ZNF254: variants seen among roughly 807,000 people sequenced by gnomAD.
The protein encoded by ZNF254 is CTD-2017D11.1.
Under a neutral mutation model 12.4 loss-of-function variants are expected in ZNF254, and 10 were observed. That is an observed-to-expected ratio of 0.80 (90% CI 0.50 to 1.36). ZNF254 has a LOEUF of 1.36. Among genes scored for constraint, ZNF254 ranks in the 40% most tolerant of loss-of-function variants. ZNF254 has a pLI of 0.00. For missense variants in ZNF254, 996 were observed against 763.9 expected (o/e 1.30, Z -3.58); for synonymous variants, 305 against 253.4 (o/e 1.20, Z -1.93).
At position 24,099,382 on chromosome 19, in the gene ZNF254, G is replaced by A. The variant is rs117670550; in HGVS notation, c.31-6558G>A. 1.1e-3 allele frequency among the ~76,000 whole-genome samples: 167 copies of A among 152,172 alleles called. 3 individuals are homozygous for A. The East Asian group carries it at 0.031, about 28-fold the overall frequency. On this transcript the variant is annotated intron_variant, in intron 1 of 3. Transcript: ENST00000357002. ...ACCTAAGATGTGAGCTGCCAGCTGT[G>A]AGCCCTGCGCTATGGGCTGTATGTC...
At chr19:24,101,682 C>G (rs752621350) in intron 1 of ZNF254, among the ~76,000 whole-genome samples, 1 of 152,202 alleles carries the variant, frequency 6.6e-6, no homozygotes, top group African/African-American at 2.4e-5. Context: ...CAGGGTACTT[C>G]CATTTTCTAT....
At chr19:24,118,871 G>T (rs962285252) in intron 3 of ZNF254, among the ~76,000 whole-genome samples, 4 of 152,030 alleles carry the variant, frequency 2.6e-5, no homozygotes, top group Non-Finnish European at 5.9e-5. Flanking sequence ...TAGCACTTTG[G>T]GGGGCTGAGT....
chr19:24,111,621 CCTGA>C (rs1973687090), intron 3 of ZNF254, among the ~76,000 whole-genome samples: 1 of 152,192 alleles, frequency 6.6e-6, no homozygotes, highest in African/African-American at 2.4e-5. Flanking sequence ...CCTGTTGTTT[CCTGA>C]CTTTTTAATG....
At chr19:24,033,606 TG>T in exon 1 of ZNF254, 1 of 419,594 alleles carries the variant, frequency 2.4e-6, no homozygotes, top group South Asian at 1.8e-5. Flanking sequence ...CAGGACATCC[TG>T]GAAGCTGGGA....
intron 2 of ZNF254, among the ~76,000 whole-genome samples, chr19:24,056,358 T>C (rs1970854656): frequency 6.6e-6 from 1 of 152,206 alleles, no homozygotes; most frequent in South Asian, 2.1e-4. Context: ...ATGACTCTCT[T>C]CTCCTGCCTG....
chr19:24,082,274 A>G (rs1971870801), upstream of ZNF254, among the ~76,000 whole-genome samples: 1 of 151,630 alleles, frequency 6.6e-6, no homozygotes, highest in Non-Finnish European at 1.5e-5. Flanking sequence ...TAAATTAATT[A>G]TTAAACTTAT....
At chr19:24,115,951 A>G (rs1974036951) in intron 3 of ZNF254, among the ~76,000 whole-genome samples, 1 of 152,072 alleles carries the variant, frequency 6.6e-6, no homozygotes, top group African/African-American at 2.4e-5. Context: ...TCCTTCACTT[A>G]TGAAGCTTAG....
At chr19:24,084,462 C>T (rs1165736516), upstream of ZNF254, among the ~76,000 whole-genome samples, 1 of 151,792 alleles carries the variant, frequency 6.6e-6, no homozygotes, top group Non-Finnish European at 1.5e-5. Flanking sequence ...GTGCACACTG[C>T]TTGGGAGATG....
chr19:24,127,740 C>T lies in ZNF254; in HGVS notation c.1740C>T (p.Gly580=), dbSNP rs116828150. The change falls in exon 4 of 4, where the codon GGC becomes GGT. Residue 580 remains glycine (G), a synonymous_variant. Coordinates refer to ENST00000357002, the MANE Select transcript of ZNF254 (RefSeq NM_203282.4). ...AACCCTATAAATGTGAAGAATGTGG[C>T]AAATCTTTTAACCGGTCTTCAACTT... ...GEKPYKCEEC[G]KSFNRSSTFT... 2.2e-3 allele frequency: 3,525 copies of T among 1,612,662 alleles called. 64 individuals carry two copies. The African/African-American group carries it at 0.039, about 18-fold the overall frequency.
rs1019597364 is a variant in ZNF254 at position 24,128,231 on chromosome 19, G to A, written c.*251G>A. On this transcript the variant is annotated 3_prime_UTR_variant, in exon 4 of 4. Coordinates refer to ENST00000357002, the MANE Select transcript of ZNF254 (RefSeq NM_203282.4). Reference sequence around the variant, plus strand: ...CTACCAGTGTGAACAACGTGGCCAAGCTTCGACAATGCTCACACCCTATTG... The same window carrying A: ...CTACCAGTGTGAACAACGTGGCCAAACTTCGACAATGCTCACACCCTATTG... 2.4e-6 allele frequency: 1 copy of A among 410,666 alleles called. No individual in the cohort carries two copies. The highest frequency in any genetic ancestry group is 2.1e-5 in the African/African-American group (1 of 48,574). 25.4% of individuals were successfully genotyped at this position (410,666 alleles called of 1,614,324 possible).
rs1192913367 is a variant in ZNF254, at chr19:24,049,206, A to T, written c.-94+2927A>T. The stretch of plus-strand genomic sequence containing the variant: ...GTTTTATATATATATATATATATAT[A>T]TATATATATTTTTTTTTTTTTTTTA... On this transcript the variant is annotated intron_variant, in intron 2 of 4. Coordinates refer to the ZNF254 transcript ENST00000613065. 8.4e-3 allele frequency among the ~76,000 whole-genome samples: 451 copies of T among 53,630 alleles called. 12 individuals carry two copies. The highest frequency in any genetic ancestry group is 0.03 in the African/African-American group (325 of 10,762). 35.2% of individuals were successfully genotyped at this position (53,630 alleles called of 152,430 possible). A position where few individuals can be genotyped will look rare whatever the true frequency, so the allele number is the denominator to read the frequency against.
chr19:24,124,786 G>A (rs1417733780), intron 3 of ZNF254, among the ~76,000 whole-genome samples: 1 of 125,070 alleles, frequency 8.0e-6, no homozygotes, highest in Non-Finnish European at 1.7e-5. Context: ...TTTTTTTTTT[G>A]GAAACAAGAG....
chr19:24,084,542 A>C (rs1417965608), upstream of ZNF254, among the ~76,000 whole-genome samples: 5 of 152,110 alleles, frequency 3.3e-5, no homozygotes, highest in African/African-American at 1.2e-4. Context: ...CTGTACCTTA[A>C]AAACTTTGGA....
intron 1 of ZNF254, among the ~76,000 whole-genome samples, chr19:24,039,398 G>A (rs975391325): frequency 4.7e-4 from 70 of 150,288 alleles, no homozygotes; most frequent in Middle Eastern, 3.5e-3. Flanking sequence ...TTGTATTACT[G>A]GAGAAAGTTT....
At chr19:24,075,383 G>T (rs999121180) in intron 2 of ZNF254, among the ~76,000 whole-genome samples, 1 of 152,106 alleles carries the variant, frequency 6.6e-6, no homozygotes, top group Non-Finnish European at 1.5e-5. Context: ...CTAAGTGTTG[G>T]CCAGTCTGAG....
chr19:24,090,035 A>G (rs1234320880), intron 1 of ZNF254, among the ~76,000 whole-genome samples: 5 of 127,344 alleles, frequency 3.9e-5, no homozygotes, highest in Non-Finnish European at 8.5e-5. Context: ...TAAAAATACG[A>G]AAAAAAAAAA....
chr19:24,087,382 T>C (rs542264497), intron 1 of ZNF254, 45 bp downstream of exon 1: 2 of 1,612,170 alleles, frequency 1.2e-6, no homozygotes, highest in East Asian at 4.5e-5. Context: ...AGGGGGCTGG[T>C]TGGAACTGGT....
At chr19:24,078,931 G>T (rs185879202) in intron 2 of ZNF254, 1 of 152,278 alleles carries the variant, frequency 6.6e-6, no homozygotes, top group East Asian at 1.9e-4. Flanking sequence ...GAAGTATCAG[G>T]TTACTAAAAC....
upstream of ZNF254, among the ~76,000 whole-genome samples, chr19:24,085,408 G>GTATATA (rs377541868): frequency 0.041 from 1,347 of 32,724 alleles, 179 homozygotes; most frequent in African/African-American, 0.13. Flanking sequence ...TTTGTTAAGG[G>GTATATA]TATATATATA....
Sources: gnomAD v4.1 joint callset for allele counts (sites outside exome capture counted in the v4.1 genomes callset) on GRCh38, gnomAD v4.1.1 for gene constraint, MANE v1.5 for transcripts, NCBI Gene and HGNC (gene_info 2026-07-23, HGNC 2026-07-21) for gene names.